The following DKK2 variants were observed in gnomAD, a reference collection of about 807,000 sequenced individuals.
DKK2 encodes the protein dickkopf Wnt signaling pathway inhibitor 2, also known as dickkopf-related protein 2.
Under a neutral mutation model 28.1 loss-of-function variants are expected in DKK2, and 11 were observed. That is an observed-to-expected ratio of 0.39 (90% CI 0.25 to 0.65). DKK2 has a LOEUF of 0.65. Ranked by LOEUF, DKK2 falls within the 30% of genes least tolerant of loss-of-function variation. The pLI, the probability that DKK2 is intolerant of heterozygous loss-of-function variation, is 0.47. For missense variants in DKK2, 326 were observed against 335.5 expected (o/e 0.97, Z 0.22); for synonymous variants, 135 against 126.5 (o/e 1.07, Z -0.45).
chr4:106,999,614 G>T (rs1723328772), intron 1 of DKK2, among the ~76,000 whole-genome samples: 1 of 152,074 alleles, frequency 6.6e-6, no homozygotes, highest in African/African-American at 2.4e-5. Flanking sequence ...CAAAATGCTG[G>T]GATTACAGGC....
At chr4:106,924,478 T>A (rs1296370190) in intron 3 of DKK2, 67 bp downstream of exon 3, 3 of 1,531,510 alleles carry the variant, frequency 2.0e-6, no homozygotes, top group Non-Finnish European at 2.6e-6. Flanking sequence ...ACCAATGGAA[T>A]TAATTATCTA....
chr4:106,979,684 C>T (rs1578365928), intron 1 of DKK2, among the ~76,000 whole-genome samples: 1 of 152,314 alleles, frequency 6.6e-6, no homozygotes, highest in African/African-American at 2.4e-5. Flanking sequence ...TGGCCAAAAT[C>T]ATGAGGGCTT....
rs190489527 is a variant in DKK2 at position 107,031,686 on chromosome 4, T to C, written c.222+3684A>G. Among the ~76,000 whole-genome samples the C allele has an allele frequency of 3.2e-4, 49 of 152,132 alleles. 1 individual carries two copies. The highest frequency in any genetic ancestry group is 1.8e-3 in the Admixed American group (28 of 15,296). ...AGTCACTTTTAAAAGAATTGCAAAATGCTACTGCATTGCATTCAAATTAAA... is the reference window on the plus strand; with the variant it reads ...AGTCACTTTTAAAAGAATTGCAAAACGCTACTGCATTGCATTCAAATTAAA... On this transcript the variant is annotated intron_variant, in intron 1 of 3. Transcript: ENST00000285311.
intron 1 of DKK2, among the ~76,000 whole-genome samples, chr4:107,005,860 G>T (rs901585865): frequency 1.2e-4 from 18 of 152,162 alleles, no homozygotes; most frequent in African/African-American, 4.3e-4. Context: ...ACAAGAAGTT[G>T]TTCAGCCTCA....
At chr4:106,930,508 A>G (rs771364782) in intron 1 of DKK2, among the ~76,000 whole-genome samples, 1 of 152,148 alleles carries the variant, frequency 6.6e-6, no homozygotes, top group Non-Finnish European at 1.5e-5. Flanking sequence ...TACAATTAAA[A>G]CCTTAGTTTA....
chr4:106,989,052 C>T (rs1723166639), intron 1 of DKK2, among the ~76,000 whole-genome samples: 1 of 152,108 alleles, frequency 6.6e-6, no homozygotes, highest in Non-Finnish European at 1.5e-5. Flanking sequence ...CTGTAAGTGA[C>T]CTGACAAGCA....
intron 1 of DKK2, among the ~76,000 whole-genome samples, chr4:106,935,076 A>G (rs1180655944): frequency 6.6e-6 from 1 of 151,954 alleles, no homozygotes; most frequent in Non-Finnish European, 1.5e-5. Flanking sequence ...ATAGACTAAT[A>G]AACCTTTTGG....
chr4:107,020,925 C>T (rs1262628949), intron 1 of DKK2, among the ~76,000 whole-genome samples: 2 of 151,966 alleles, frequency 1.3e-5, no homozygotes, highest in Non-Finnish European at 2.9e-5. Flanking sequence ...TACCACTGAC[C>T]TAGGTTCATT....
intron 1 of DKK2, among the ~76,000 whole-genome samples, chr4:106,954,289 C>CT (rs1357776782): frequency 1.3e-5 from 2 of 151,778 alleles, no homozygotes; most frequent in Non-Finnish European, 2.9e-5. Context: ...GTTTTGAGTT[C>CT]TTTTTTTGTT....
At chr4:106,970,338 G>C (rs996751647) in intron 1 of DKK2, among the ~76,000 whole-genome samples, 1 of 152,104 alleles carries the variant, frequency 6.6e-6, no homozygotes, top group East Asian at 1.9e-4. Context: ...ATCTGGAAGA[G>C]AGTAATGGTT....
At chr4:106,941,120 TAACA>T (rs1724691818) in intron 1 of DKK2, among the ~76,000 whole-genome samples, 1 of 151,298 alleles carries the variant, frequency 6.6e-6, no homozygotes, top group Admixed American at 6.6e-5. Flanking sequence ...AAAAATAAAA[TAACA>T]AAATAAAAAT....
At chr4:106,976,863 G>A (rs1360761608) in intron 1 of DKK2, among the ~76,000 whole-genome samples, 1 of 152,168 alleles carries the variant, frequency 6.6e-6, no homozygotes, top group African/African-American at 2.4e-5. Context: ...GTATGTTTTT[G>A]TAGTGGCTTG....
At chr4:106,999,704 C>T (rs185704730) in intron 1 of DKK2, among the ~76,000 whole-genome samples, 2 of 152,036 alleles carry the variant, frequency 1.3e-5, no homozygotes, top group African/African-American at 4.8e-5. Flanking sequence ...AGCATCAATT[C>T]TTATTTTTAT....
chr4:106,962,210 T>C (rs572000834), intron 1 of DKK2, among the ~76,000 whole-genome samples: 2 of 152,110 alleles, frequency 1.3e-5, no homozygotes, highest in Admixed American at 6.5e-5. Flanking sequence ...TATTTCATTA[T>C]AGTTATTTAT....
chr4:106,955,755 C>G (rs765426829), intron 1 of DKK2, among the ~76,000 whole-genome samples: 1 of 152,090 alleles, frequency 6.6e-6, no homozygotes, highest in Admixed American at 6.6e-5. Flanking sequence ...TATCTTGGTA[C>G]TAAGCTATTT....
chr4:106,970,142 T>A (rs1560582869), intron 1 of DKK2, among the ~76,000 whole-genome samples: 1 of 152,116 alleles, frequency 6.6e-6, no homozygotes, highest in African/African-American at 2.4e-5. Flanking sequence ...TAGCCTGAGT[T>A]TTTACATTTA....
At chr4:106,939,394 C>T (rs1707853517) in intron 1 of DKK2, among the ~76,000 whole-genome samples, 2 of 152,160 alleles carry the variant, frequency 1.3e-5, no homozygotes, top group African/African-American at 4.8e-5. Flanking sequence ...AGGAATCCAA[C>T]TTACAAGGGA....
chr4:107,009,517 G>A (rs1340495041), intron 1 of DKK2, among the ~76,000 whole-genome samples: 2 of 151,836 alleles, frequency 1.3e-5, no homozygotes, highest in African/African-American at 4.8e-5. Context: ...ATCTGCAGCT[G>A]GGAGGGTGAG....
intron 1 of DKK2, among the ~76,000 whole-genome samples, chr4:107,023,973 T>C (rs888626736): frequency 6.6e-6 from 1 of 152,136 alleles, no homozygotes; most frequent in Non-Finnish European, 1.5e-5. Flanking sequence ...TGTAACAATA[T>C]AATAATGTGT....
Sources: gnomAD v4.1 joint callset for allele counts (sites outside exome capture counted in the v4.1 genomes callset) on GRCh38, gnomAD v4.1.1 for gene constraint, MANE v1.5 for transcripts, NCBI Gene and HGNC (gene_info 2026-07-23, HGNC 2026-07-21) for gene names.